Variants in LY96 observed in about 807,000 individuals in gnomAD.
LY96 encodes myeloid differentiation protein-2.
LY96 carries 18 observed loss-of-function variants against 18.9 expected under a neutral mutation model. That is an observed-to-expected ratio of 0.95 (90% CI 0.66 to 1.41). LY96 has a LOEUF of 1.41. LY96 is among the 40% of genes most tolerant of loss of function. The pLI, the probability that LY96 is intolerant of heterozygous loss-of-function variation, is 0.00. For missense variants in LY96, 175 were observed against 182.4 expected (o/e 0.96, Z 0.23); for synonymous variants, 66 against 62.6 (o/e 1.06, Z -0.26).
At chr8:74,084,372 G>A in the LY96 span, among the ~76,000 whole-genome samples, 7 of 152,208 alleles carry the variant, frequency 4.6e-5, no homozygotes, top group Admixed American at 2.6e-4. Flanking sequence ...TGCTTCCTAC[G>A]CCTTAGCCAG....
At chr8:74,012,424 A>C (rs562908628) in intron 3 of LY96, among the ~76,000 whole-genome samples, 1 of 152,378 alleles carries the variant, frequency 6.6e-6, no homozygotes, top group Non-Finnish European at 1.5e-5. Flanking sequence ...TAACTGAAAC[A>C]AACCAGGCAC....
At chr8:74,031,062 G>A (rs1047312385), downstream of LY96, among the ~76,000 whole-genome samples, 8 of 151,982 alleles carry the variant, frequency 5.3e-5, no homozygotes, top group South Asian at 2.1e-4. Flanking sequence ...GGCTACCCCC[G>A]TGTTATCCAA....
intron 3 of LY96, among the ~76,000 whole-genome samples, chr8:74,014,812 T>TACACACACACACAC (rs111566455): frequency 1.6e-4 from 23 of 144,774 alleles, no homozygotes; most frequent in African/African-American, 5.6e-4. Flanking sequence ...CTCACCAGTT[T>TACACACACACACAC]ACACACACAC....
At chr8:74,032,098 G>A (rs144580052), downstream of LY96, among the ~76,000 whole-genome samples, 3 of 152,248 alleles carry the variant, frequency 2.0e-5, no homozygotes, top group African/African-American at 7.2e-5. Context: ...GCACTCCAGT[G>A]TGGGTGGCAG....
At chr8:74,061,606 G>C in the LY96 span, among the ~76,000 whole-genome samples, 2 of 152,286 alleles carry the variant, frequency 1.3e-5, no homozygotes, top group African/African-American at 4.8e-5. Flanking sequence ...AAGTTGCTAA[G>C]AGAGTAAATT....
chr8:74,076,416 C>T, the LY96 span, among the ~76,000 whole-genome samples: 83 of 151,894 alleles, frequency 5.5e-4, 1 homozygote, highest in East Asian at 0.014. Flanking sequence ...CTCCGCCTCC[C>T]GGGTTCAGGT....
chr8:74,079,306 C>T, the LY96 span, among the ~76,000 whole-genome samples: 1 of 152,200 alleles, frequency 6.6e-6, no homozygotes, highest in Non-Finnish European at 1.5e-5. Context: ...GACTTCTCAG[C>T]CTCCATAATC....
chr8:74,005,990 GA>G (rs544738613), intron 2 of LY96, among the ~76,000 whole-genome samples: 1 of 152,086 alleles, frequency 6.6e-6, no homozygotes, highest in African/African-American at 2.4e-5. Flanking sequence ...CCAGAAAAAT[GA>G]AAAACAACAA....
chr8:74,011,026 G>A (rs1051606802), intron 3 of LY96, among the ~76,000 whole-genome samples: 4 of 152,152 alleles, frequency 2.6e-5, no homozygotes, highest in African/African-American at 7.2e-5. Context: ...ACTCAAATCA[G>A]CTTGTCTACT....
At chr8:74,004,415 T>C (rs549574553) in intron 1 of LY96, among the ~76,000 whole-genome samples, 13 of 152,176 alleles carry the variant, frequency 8.5e-5, no homozygotes, top group Admixed American at 7.2e-4. Context: ...AGGAGCTGGT[T>C]GGGGGGGTCT....
At position 74,002,087 on chromosome 8, in the gene LY96, CTTTCTT is replaced by C. The variant is rs1262879836; in HGVS notation, c.113-2707_113-2702del. 2.2e-3 allele frequency among the ~76,000 whole-genome samples: 73 copies of C among 33,260 alleles called. 12 individuals are homozygous for C. The highest frequency in any genetic ancestry group is 0.011 in the Middle Eastern group (1 of 92). 21.8% of individuals were successfully genotyped at this position (33,260 alleles called of 152,430 possible). A position where few individuals can be genotyped will look rare whatever the true frequency, so the allele number is the denominator to read the frequency against. On this transcript the variant is annotated intron_variant, in intron 1 of 4. Coordinates refer to ENST00000284818, the MANE Select transcript of LY96 (RefSeq NM_015364.5). ...CCTTCCTTCCTTCCTTTCTTTCTTT[CTTTCTT>C]TCTCTCTCTCTCTCTCTCTCTCTCT...
chr8:74,052,250 A>G, the LY96 span: 1 of 152,204 alleles, frequency 6.6e-6, no homozygotes, highest in African/African-American at 2.4e-5. Context: ...GCTAGACAAC[A>G]GGGGCTAAGA....
At chr8:74,085,189 T>C in the LY96 span, among the ~76,000 whole-genome samples, 2 of 152,242 alleles carry the variant, frequency 1.3e-5, no homozygotes, top group Admixed American at 1.3e-4. Flanking sequence ...AGTAAGATAG[T>C]CTATGTTATT....
At chr8:73,991,722 G>T (rs1816008732) in intron 1 of LY96, among the ~76,000 whole-genome samples, 168 bp downstream of exon 1, 1 of 152,154 alleles carries the variant, frequency 6.6e-6, no homozygotes, top group South Asian at 2.1e-4. Flanking sequence ...TGCCCCATGA[G>T]AATGTTCTCG....
At chr8:74,024,267 G>A (rs940424664) in intron 3 of LY96, among the ~76,000 whole-genome samples, 6 of 151,664 alleles carry the variant, frequency 4.0e-5, no homozygotes, top group African/African-American at 1.5e-4. Flanking sequence ...GCAGAAAAAT[G>A]AAATATGATT....
chr8:74,068,089 A>AATATATATATATATATAT, the LY96 span, among the ~76,000 whole-genome samples: 98 of 67,884 alleles, frequency 1.4e-3, no homozygotes, highest in African/African-American at 3.5e-3. Context: ...AAAAAAAAAA[A>AATATATATATATATATAT]ATATATATAT....
intron 2 of LY96, among the ~76,000 whole-genome samples, chr8:74,005,623 G>C (rs1339380610): frequency 1.3e-5 from 2 of 152,168 alleles, no homozygotes; most frequent in Non-Finnish European, 2.9e-5. Context: ...GTAATAATGG[G>C]ATGACAGAAG....
At chr8:74,083,963 A>G in the LY96 span, among the ~76,000 whole-genome samples, 1 of 151,796 alleles carries the variant, frequency 6.6e-6, no homozygotes, top group African/African-American at 2.4e-5. Flanking sequence ...CTGAGATTAC[A>G]GGCGTGAGCC....
chr8:74,039,186 G>A, the LY96 span, among the ~76,000 whole-genome samples: 8 of 152,148 alleles, frequency 5.3e-5, no homozygotes, highest in African/African-American at 1.7e-4. Context: ...TTTGAGAAAT[G>A]TTTATTAAAG....
Sources: allele counts gnomAD v4.1 joint callset (sites outside exome capture counted in the v4.1 genomes callset), GRCh38; gene constraint gnomAD v4.1.1; transcripts MANE v1.5; gene names NCBI Gene and HGNC (gene_info 2026-07-23, HGNC 2026-07-21).